Variants in AKAP9 observed in about 807,000 individuals in gnomAD.
The protein encoded by AKAP9 is A-kinase anchor protein 9.
AKAP9 carries 311 observed loss-of-function variants against 488.5 expected under a neutral mutation model. The ratio of observed to expected loss-of-function variants is 0.64; its 90% CI spans 0.58 to 0.70. The LOEUF is 0.70. Ranked by LOEUF, AKAP9 falls within the 30% of genes least tolerant of loss-of-function variation. The pLI, the probability that AKAP9 is intolerant of heterozygous loss-of-function variation, is 0.00. For synonymous variants in AKAP9, 1,462 were observed against 1,483.5 expected, an observed-to-expected ratio of 0.99 and a Z score of 0.33; for missense variants, 4,215 against 4,374.5, an observed-to-expected ratio of 0.96 and a Z score of 1.03.
chr7:92,096,122 T>A (rs190482325), intron 40 of AKAP9, among the ~76,000 whole-genome samples: 2 of 152,172 alleles, frequency 1.3e-5, no homozygotes, highest in Non-Finnish European at 2.9e-5. Context: ...GTTATTCTTA[T>A]AAGAAATGTA....
intron 46 of AKAP9, among the ~76,000 whole-genome samples, chr7:92,104,733 T>C (rs1184770234): frequency 6.6e-6 from 1 of 152,204 alleles, no homozygotes; most frequent in Non-Finnish European, 1.5e-5. Context: ...TTCCATATTG[T>C]AGTCTCCTGG....
intron 7 of AKAP9, among the ~76,000 whole-genome samples, chr7:91,997,783 G>T (rs1166502270): frequency 1.3e-5 from 2 of 152,176 alleles, no homozygotes; most frequent in African/African-American, 4.8e-5. Flanking sequence ...AATTCATTTT[G>T]TAGGGGGAAT....
chr7:92,002,750 C>T lies in AKAP9; in HGVS notation c.2833C>T (p.Leu945Phe). The part of the protein sequence containing the change: ...EKDTTELMEK[L>F]EVTKREKLEL... ...GGATACAACAGAACTCATGGAAAAA[C>T]TTGAGGTAACCAAGCGAGAGAAATT... is the stretch of plus-strand genomic sequence containing the variant. Residue 945 changes from leucine to phenylalanine, a missense_variant, in exon 8 of 50, where the codon CTT becomes TTT. Coordinates refer to ENST00000356239, the MANE Select transcript of AKAP9 (RefSeq NM_005751.5). The T allele has an allele frequency of 6.2e-7, 1 of 1,613,626 alleles. No homozygotes were observed. Among genetic ancestry groups the T allele is most frequent in the Non-Finnish European group, 8.5e-7 (1 of 1,179,730 alleles).
At chr7:92,092,178 C>G (rs1274862373) in intron 38 of AKAP9, 2 of 152,110 alleles carry the variant, frequency 1.3e-5, no homozygotes, top group Non-Finnish European at 2.9e-5. Flanking sequence ...TTATAACATA[C>G]TTTTTTTCAT....
At chr7:91,973,212 C>A (rs950423590) in intron 1 of AKAP9, among the ~76,000 whole-genome samples, 1 of 151,900 alleles carries the variant, frequency 6.6e-6, no homozygotes, top group Non-Finnish European at 1.5e-5. Context: ...TCTGTCTGTA[C>A]AAAAAAATAC....
rs971975611 is a variant in AKAP9 at position 92,023,036 on chromosome 7, A to G, written c.4148+27A>G. 3.8e-6 allele frequency: 6 copies of G among 1,599,906 alleles called. No individual in the cohort carries two copies. In the African/African-American group the frequency reaches 8.0e-5, roughly 21 times the overall value. ...TATTCATCTGCTTATAGCTTCATTC[A>G]ACAGTATTTGTAGCTTTGTAACAAT... On this transcript the variant is annotated intron_variant, in intron 14 of 49. Coordinates refer to ENST00000356239, the MANE Select transcript of AKAP9 (RefSeq NM_005751.5).
At chr7:91,942,790 A>G (rs1455813300) in intron 1 of AKAP9, among the ~76,000 whole-genome samples, 2 of 152,164 alleles carry the variant, frequency 1.3e-5, no homozygotes, top group East Asian at 1.9e-4. Context: ...TCAGAATTCT[A>G]TGTATGGGGT....
chr7:92,083,903 G>A (rs187516680), intron 33 of AKAP9, among the ~76,000 whole-genome samples: 296 of 152,108 alleles, frequency 1.9e-3, no homozygotes, highest in African/African-American at 6.6e-3. Flanking sequence ...AGGTATACAC[G>A]TGCCATGGTG....
Position 92,076,883 on chromosome 7 carries a change from A to G in AKAP9, c.6641A>G (p.Gln2214Arg). The G allele has an allele frequency of 6.7e-7, 1 of 1,486,754 alleles. No homozygotes were observed. Among genetic ancestry groups the G allele is most frequent in the Non-Finnish European group, 9.2e-7 (1 of 1,084,672 alleles). The allele number at this position is 1,486,754 out of a possible 1,614,324, so 92.1% of individuals were successfully genotyped here. ...ACAAACTTAGAAGAGCAATTAGAAC[A>G]GTTTAGAGAAGAACTGGAAAATAAG... ...EITNLEEQLE[Q>R]FREELENKNE... The change falls in exon 29 of 50, where the codon CAG becomes CGG. Residue 2214 changes from glutamine to arginine, a missense_variant. This residue lies in a region of AKAP9 where 51 missense variants were observed against 87.3 expected (regional missense o/e 0.58). Transcript: ENST00000356239.
In AKAP9 at chr7:92,055,813, C is replaced by A. The variant is rs924611215; in HGVS notation, c.5601+2855C>A. Among the ~76,000 whole-genome samples the A allele has an allele frequency of 4.6e-5, 7 of 151,982 alleles. No individual in the cohort carries two copies. In the East Asian group the frequency reaches 1.3e-3, roughly 29 times the overall value. ...ATTAATATATCATCAGTTAATATTA[C>A]TGTTGTTACAAGGGCTGTATGCCAC... On this transcript the variant is annotated intron_variant, in intron 22 of 49. Coordinates refer to ENST00000356239, the MANE Select transcript of AKAP9 (RefSeq NM_005751.5).
intron 37 of AKAP9, 149 bp downstream of exon 37, chr7:92,086,565 TTATG>T: frequency 1.5e-6 from 1 of 670,806 alleles, no homozygotes; most frequent in Non-Finnish European, 2.5e-6. Flanking sequence ...TTTTAACGTA[TTATG>T]TTAGAAGGTA....
At chr7:92,090,463 A>C (rs1255244721) in intron 38 of AKAP9, 1 of 152,204 alleles carries the variant, frequency 6.6e-6, no homozygotes, top group Non-Finnish European at 1.5e-5. Context: ...TCTCTACTAA[A>C]AATACAAAAA....
intron 9 of AKAP9, 33 bp downstream of exon 9, chr7:92,012,675 T>A: frequency 6.5e-7 from 1 of 1,531,390 alleles, no homozygotes; most frequent in Non-Finnish European, 9.0e-7. Context: ...AGTACCATGA[T>A]CCAAATAAGT....
chr7:92,003,865 T>C (rs1420758098), intron 8 of AKAP9, among the ~76,000 whole-genome samples: 2 of 152,186 alleles, frequency 1.3e-5, no homozygotes, highest in African/African-American at 2.4e-5. Context: ...GATACTGATA[T>C]TAAAATAACA....
At chr7:92,015,495 C>T (rs1801385596) in intron 10 of AKAP9, among the ~76,000 whole-genome samples, 1 of 151,782 alleles carries the variant, frequency 6.6e-6, no homozygotes, top group African/African-American at 2.4e-5. Context: ...TCCCGAGTAG[C>T]TGGGATGACA....
At chr7:91,955,830 C>T (rs1216871565) in intron 1 of AKAP9, among the ~76,000 whole-genome samples, 1 of 152,104 alleles carries the variant, frequency 6.6e-6, no homozygotes, top group Non-Finnish European at 1.5e-5. Context: ...AACAGGGTCT[C>T]GCCGTGTTGG....
At position 92,097,178 on chromosome 7, in the gene AKAP9, G is replaced by A; in HGVS notation, c.10219G>A (p.Glu3407Lys). The A allele has an allele frequency of 6.2e-7, 1 of 1,613,942 alleles. No homozygotes were observed. Among genetic ancestry groups the A allele is most frequent in the Non-Finnish European group, 8.5e-7 (1 of 1,179,936 alleles). ...ANTEGQKKMH[E>K]LQSKVEDLQR... Reference sequence around the variant, plus strand: ...CACTGAGGGACAGAAAAAAATGCATGAGCTCCAGTCCAAAGTGGAAGATCT... The same window carrying A: ...CACTGAGGGACAGAAAAAAATGCATAAGCTCCAGTCCAAAGTGGAAGATCT... The change falls in exon 41 of 50, where the codon GAG becomes AAG. Residue 3407 changes from glutamate to lysine, a missense_variant. By Grantham distance (56) the Glu-to-Lys change is moderately conservative. This residue lies in a region of AKAP9 where 1,476 missense variants were observed against 1,477.4 expected (regional missense o/e 1.00). Coordinates refer to ENST00000356239, the MANE Select transcript of AKAP9 (RefSeq NM_005751.5).
At position 92,002,957 on chromosome 7, in the gene AKAP9, A is replaced by G. The variant is rs2130670735; in HGVS notation, c.3040A>G (p.Thr1014Ala). The G allele has an allele frequency of 1.2e-6, 2 of 1,613,154 alleles. 1 individual carries two copies. Among genetic ancestry groups the G allele is most frequent in the South Asian group, 2.2e-5 (2 of 90,856 alleles). The change falls in exon 8 of 50, where the codon ACT becomes GCT. Residue 1014 changes from threonine (T) to alanine (A), a missense_variant. Around this residue, in one of 5 missense-constraint regions of AKAP9, gnomAD observed 2,361 missense variants for 2,430.0 expected, o/e 0.97. Transcript: ENST00000356239. The part of the protein sequence containing the change: ...NRAENVQSCD[T>A]QVSSLLDGVV... ...GGCAGAAAATGTACAGTCATGTGAT[A>G]CTCAAGTAAGCTCTTTATTAGATGG...
At chr7:92,054,921 G>A (rs1445323149) in intron 22 of AKAP9, among the ~76,000 whole-genome samples, 1 of 151,908 alleles carries the variant, frequency 6.6e-6, no homozygotes, top group Non-Finnish European at 1.5e-5. Flanking sequence ...GTCTCTTTGT[G>A]GTTCTGCAGA....
Sources: gnomAD v4.1 joint callset for allele counts (sites outside exome capture counted in the v4.1 genomes callset) on GRCh38, gnomAD v4.1.1 for gene constraint, gnomAD v4.1.1 regional missense constraint, MANE v1.5 for transcripts, NCBI Gene and HGNC (gene_info 2026-07-23, HGNC 2026-07-21) for gene names.